The following GNA14 variants were observed in gnomAD, a reference collection of about 807,000 sequenced individuals.
GNA14 encodes guanine nucleotide-binding protein subunit alpha-14.
Under a neutral mutation model 42.0 loss-of-function variants are expected in GNA14, and 50 were observed. The observed-to-expected ratio is 1.19, with a 90% CI of 0.95 to 1.51. GNA14 has a LOEUF of 1.51. Among genes scored for constraint, GNA14 ranks in the 40% most tolerant of loss-of-function variants. The probability of loss-of-function intolerance (pLI) is 0.00; values close to 1 mark genes in which losing one functional copy is unlikely to be tolerated. For missense variants in GNA14, 473 were observed against 446.2 expected (o/e 1.06, Z -0.54); for synonymous variants, 173 against 163.1 (o/e 1.06, Z -0.46).
At chr9:77,467,888 A>G (rs770467468) in intron 2 of GNA14, among the ~76,000 whole-genome samples, 1 of 152,166 alleles carries the variant, frequency 6.6e-6, no homozygotes, top group Non-Finnish European at 1.5e-5. Context: ...CCCTCTTGGC[A>G]TAAAATTTTC....
At chr9:77,424,687 A>G (rs1464579059) in intron 6 of GNA14, among the ~76,000 whole-genome samples, 2 of 152,178 alleles carry the variant, frequency 1.3e-5, no homozygotes, top group Non-Finnish European at 2.9e-5. Context: ...TAAAAATTGT[A>G]CTTTACAGTG....
chr9:77,516,252 G>A (rs902256106), intron 2 of GNA14, among the ~76,000 whole-genome samples: 3 of 152,106 alleles, frequency 2.0e-5, no homozygotes, highest in Non-Finnish European at 4.4e-5. Flanking sequence ...CATTTCATTC[G>A]TATAACAAAT....
At chr9:77,613,722 T>C (rs1823767078) in intron 1 of GNA14, among the ~76,000 whole-genome samples, 1 of 152,196 alleles carries the variant, frequency 6.6e-6, no homozygotes, top group African/African-American at 2.4e-5. Context: ...AAGTGGTTTT[T>C]AAAAAGACTC....
chr9:77,578,347 C>G (rs921704310), intron 1 of GNA14, among the ~76,000 whole-genome samples: 4 of 152,062 alleles, frequency 2.6e-5, no homozygotes, highest in African/African-American at 9.7e-5. Flanking sequence ...TTGGGCCTGC[C>G]CTGCATCAGT....
At chr9:77,549,469 T>C (rs1837763978) in intron 1 of GNA14, among the ~76,000 whole-genome samples, 1 of 152,164 alleles carries the variant, frequency 6.6e-6, no homozygotes, top group Non-Finnish European at 1.5e-5. Context: ...CACCCAAAAT[T>C]CCCGCACTTG....
intron 1 of GNA14, among the ~76,000 whole-genome samples, chr9:77,547,566 G>GT (rs1289111259): frequency 2.0e-5 from 3 of 152,152 alleles, no homozygotes; most frequent in Non-Finnish European, 4.4e-5. Context: ...GTGTCCTGTG[G>GT]TTTTTTCATT....
In GNA14 at chr9:77,623,477, T is replaced by G. The variant is rs1038080365; in HGVS notation, c.124+24193A>C. 3.9e-5 allele frequency among the ~76,000 whole-genome samples: 6 copies of G among 152,124 alleles called. No individual in the cohort carries two copies. In the South Asian group the frequency reaches 1.2e-3, roughly 32 times the overall value. ...ATATTAATAATACTCTCACAGTGGC[T>G]GGCAAGATGGCTGAATAGGAACAGC... is the stretch of plus-strand genomic sequence containing the variant. On this transcript the variant is annotated intron_variant, in intron 1 of 6. Coordinates refer to ENST00000341700, the MANE Select transcript of GNA14 (RefSeq NM_004297.4).
At chr9:77,602,085 C>CG (rs893136351) in intron 1 of GNA14, among the ~76,000 whole-genome samples, 1 of 152,340 alleles carries the variant, frequency 6.6e-6, no homozygotes, top group African/African-American at 2.4e-5. Context: ...CTCACACATA[C>CG]GTCTTCCCTG....
At chr9:77,597,798 C>A (rs371026643) in intron 1 of GNA14, among the ~76,000 whole-genome samples, 3 of 152,072 alleles carry the variant, frequency 2.0e-5, no homozygotes, top group African/African-American at 7.2e-5. Context: ...TGGTGGCTAA[C>A]GCCTATAATC....
rs374105428 is a variant in GNA14 at position 77,489,377 on chromosome 9, A to G, written c.309+39692T>C. Among the ~76,000 whole-genome samples the G allele has an allele frequency of 1.4e-4, 22 of 152,346 alleles. No individual in the cohort carries two copies. The East Asian group carries it at 3.7e-3, about 25-fold the overall frequency. On this transcript the variant is annotated intron_variant, in intron 2 of 6. Transcript: ENST00000341700. Reference sequence around the variant, plus strand: ...AAGCTTATTTAAAAAAATAACAGAAAACTCCAAAACTTGAGAAAGAGATAA... The same window carrying G: ...AAGCTTATTTAAAAAAATAACAGAAGACTCCAAAACTTGAGAAAGAGATAA...
At chr9:77,514,018 T>C (rs1346518541) in intron 2 of GNA14, among the ~76,000 whole-genome samples, 1 of 152,128 alleles carries the variant, frequency 6.6e-6, no homozygotes. Context: ...TGAGAAGTCA[T>C]TGTCACAGAC....
chr9:77,485,903 C>G (rs1836652123), intron 2 of GNA14, among the ~76,000 whole-genome samples: 1 of 152,098 alleles, frequency 6.6e-6, no homozygotes, highest in Non-Finnish European at 1.5e-5. Flanking sequence ...TTATAGAGCA[C>G]AGGTAGAGTA....
chr9:77,558,623 G>A (rs995240151), intron 1 of GNA14, among the ~76,000 whole-genome samples: 6 of 152,084 alleles, frequency 3.9e-5, no homozygotes, highest in African/African-American at 1.4e-4. Context: ...AATGTATCTA[G>A]GGAATGGTAG....
At chr9:77,463,947 T>C (rs1836164372) in intron 2 of GNA14, among the ~76,000 whole-genome samples, 1 of 152,346 alleles carries the variant, frequency 6.6e-6, no homozygotes, top group African/African-American at 2.4e-5. Flanking sequence ...TATATAGTTA[T>C]ACTGCCTTTT....
intron 1 of GNA14, among the ~76,000 whole-genome samples, chr9:77,588,103 T>A (rs1396624106): frequency 6.6e-6 from 1 of 152,184 alleles, no homozygotes; most frequent in South Asian, 2.1e-4. Context: ...AGGACCCTTG[T>A]ATTACATTGG....
chr9:77,592,880 C>T (rs1394330033), intron 1 of GNA14, among the ~76,000 whole-genome samples: 3 of 152,148 alleles, frequency 2.0e-5, no homozygotes, highest in Non-Finnish European at 4.4e-5. Context: ...CAAATACAAG[C>T]AGGCATTTGA....
chr9:77,618,592 A>T, intron 1 of GNA14, among the ~76,000 whole-genome samples: 1 of 13,242 alleles, frequency 7.6e-5, no homozygotes, highest in African/African-American at 2.8e-4. Flanking sequence ...ATATATATAT[A>T]TATATATATA....
At chr9:77,440,999 A>G (rs1279674853) in intron 2 of GNA14, among the ~76,000 whole-genome samples, 1 of 152,236 alleles carries the variant, frequency 6.6e-6, no homozygotes, top group African/African-American at 2.4e-5. Context: ...TACAGGCGTG[A>G]GCCACCGCGC....
chr9:77,554,389 A>G (rs1822731578), intron 1 of GNA14, among the ~76,000 whole-genome samples: 2 of 152,204 alleles, frequency 1.3e-5, no homozygotes, highest in Non-Finnish European at 2.9e-5. Flanking sequence ...CCTCTTGGTT[A>G]TGAGCATGTC....
Sources: allele counts gnomAD v4.1 joint callset (sites outside exome capture counted in the v4.1 genomes callset), GRCh38; gene constraint gnomAD v4.1.1; transcripts MANE v1.5; gene names NCBI Gene and HGNC (gene_info 2026-07-23, HGNC 2026-07-21).